PLEKHA1: variants seen among roughly 807,000 people sequenced by gnomAD.
PLEKHA1 encodes pleckstrin homology domain-containing family A member 1.
Under a neutral mutation model 52.0 loss-of-function variants are expected in PLEKHA1, and 34 were observed. The observed-to-expected ratio is 0.65, with a 90% CI of 0.50 to 0.87. The LOEUF is 0.87. Among genes scored for constraint, PLEKHA1 ranks in the 40% least tolerant of loss-of-function variants. PLEKHA1 has a pLI of 0.00. For missense variants in PLEKHA1, 497 were observed against 504.2 expected, an observed-to-expected ratio of 0.99 and a Z score of 0.14; for synonymous variants, 163 against 170.7, an observed-to-expected ratio of 0.95 and a Z score of 0.35.
chr10:122,419,352 A>G (rs1424754798), intron 8 of PLEKHA1: 1 of 152,248 alleles, frequency 6.6e-6, no homozygotes, highest in African/African-American at 2.4e-5. Flanking sequence ...ATGGCATAGC[A>G]TAGCAAGAAA....
chr10:122,406,100 A>G (rs886079284), intron 4 of PLEKHA1, among the ~76,000 whole-genome samples: 1 of 152,164 alleles, frequency 6.6e-6, no homozygotes, highest in African/African-American at 2.4e-5. Flanking sequence ...GGGGTATTCG[A>G]TGAAATAAAA....
rs779843294 is a variant in PLEKHA1, at chr10:122,430,135, A to G, written c.*197A>G. On this transcript the variant is annotated 3_prime_UTR_variant, in exon 12 of 12. Coordinates refer to ENST00000368990, the MANE Select transcript of PLEKHA1 (RefSeq NM_001001974.4). ...ATATAATTTCTTTAAAAAAGAAAGA[A>G]AAAGGAAAAATCCAAAATATCTCAG... The G allele has an allele frequency of 1.1e-5, 7 of 619,294 alleles. No homozygotes were observed. The highest frequency in any genetic ancestry group is 3.1e-5 in the East Asian group (1 of 32,322). 38.4% of individuals were successfully genotyped at this position (619,294 alleles called of 1,614,324 possible). A position where few individuals can be genotyped will look rare whatever the true frequency, so the allele number is the denominator to read the frequency against.
At chr10:122,416,501 T>A (rs2097177697) in intron 7 of PLEKHA1, among the ~76,000 whole-genome samples, 1 of 152,152 alleles carries the variant, frequency 6.6e-6, no homozygotes, top group South Asian at 2.1e-4. Context: ...ACCTACCATC[T>A]AGGGTTTTGT....
At chr10:122,418,937 A>G (rs905999192) in intron 8 of PLEKHA1, 2 of 152,230 alleles carry the variant, frequency 1.3e-5, no homozygotes, top group African/African-American at 2.4e-5. Context: ...GTCCAAGGGC[A>G]CTAGCTACAT....
At chr10:122,424,757 G>A (rs555613285) in intron 9 of PLEKHA1, 139 bp from the exon 10 acceptor site, 9 of 523,694 alleles carry the variant, frequency 1.7e-5, no homozygotes, top group Non-Finnish European at 2.9e-5. Context: ...TAAAATAAAT[G>A]GGAAAAGATA....
intron 1 of PLEKHA1, among the ~76,000 whole-genome samples, chr10:122,388,295 A>G (rs986011517): frequency 7.9e-5 from 12 of 152,088 alleles, no homozygotes; most frequent in Non-Finnish European, 4.4e-5. Flanking sequence ...TTCATTTAGC[A>G]TGTTTCTGAG....
intron 4 of PLEKHA1, among the ~76,000 whole-genome samples, chr10:122,403,734 C>G (rs976164185): frequency 6.6e-6 from 1 of 152,082 alleles, no homozygotes; most frequent in Non-Finnish European, 1.5e-5. Context: ...CTCACTCCCC[C>G]AGGCCGGAAT....
chr10:122,424,858 C>CT, intron 9 of PLEKHA1, 38 bp from the exon 10 acceptor site: 1 of 1,539,276 alleles, frequency 6.5e-7, no homozygotes, highest in Non-Finnish European at 8.9e-7. Context: ...ACTCAAACAA[C>CT]TGCTATTTAA....
chr10:122,424,806 T>G, intron 9 of PLEKHA1, 90 bp from the exon 10 acceptor site: 1 of 920,244 alleles, frequency 1.1e-6, no homozygotes, highest in Non-Finnish European at 1.6e-6. Flanking sequence ...CTCATTTATT[T>G]ATTGACGCAT....
intron 4 of PLEKHA1, among the ~76,000 whole-genome samples, chr10:122,401,448 A>C (rs1026783034): frequency 6.6e-6 from 1 of 151,904 alleles, no homozygotes; most frequent in Non-Finnish European, 1.5e-5. Context: ...GAGAAGGAGG[A>C]AGGGTGAAAA....
chr10:122,419,965 G>A (rs1299525361), intron 8 of PLEKHA1: 1 of 152,184 alleles, frequency 6.6e-6, no homozygotes, highest in Non-Finnish European at 1.5e-5. Flanking sequence ...CTAAGGACGA[G>A]GGGCAGCCAG....
chr10:122,439,920 C>T, the PLEKHA1 span: 1 of 152,082 alleles, frequency 6.6e-6, no homozygotes, highest in Non-Finnish European at 1.5e-5. Flanking sequence ...CAATTATATC[C>T]ATAGAAAATT....
At chr10:122,413,352 A>G (rs1423646589) in intron 6 of PLEKHA1, among the ~76,000 whole-genome samples, 1 of 152,032 alleles carries the variant, frequency 6.6e-6, no homozygotes, top group Non-Finnish European at 1.5e-5. Context: ...AAGTCATCAG[A>G]AATCCTTTTA....
chr10:122,378,463 C>T (rs1193512507), intron 1 of PLEKHA1, among the ~76,000 whole-genome samples: 1 of 148,310 alleles, frequency 6.7e-6, no homozygotes, highest in African/African-American at 2.5e-5. Context: ...AGGCTGGGCT[C>T]AGTGGCTCAT....
Position 122,401,831 on chromosome 10 carries a change from T to C in PLEKHA1, c.244+1443T>C, listed in dbSNP as rs191250160. On this transcript the variant is annotated intron_variant, in intron 4 of 11. Coordinates refer to ENST00000368990, the MANE Select transcript of PLEKHA1 (RefSeq NM_001001974.4). ...GAGACTTTCACATTAAAGTGAGAGA[T>C]ACTTTTGGGAGTAGAATTGAAGTTC... 3.5e-3 allele frequency among the ~76,000 whole-genome samples: 531 copies of C among 152,310 alleles called. 1 individual carries two copies. The highest frequency in any genetic ancestry group is 0.012 in the African/African-American group (500 of 41,570).
chr10:122,378,517 CT>C (rs2096568853), intron 1 of PLEKHA1, among the ~76,000 whole-genome samples: 2 of 152,148 alleles, frequency 1.3e-5, no homozygotes, highest in Middle Eastern at 3.4e-3. Context: ...GGGAGGATAG[CT>C]TGAGCCCAGG....
At chr10:122,383,406 A>G (rs532239852) in intron 1 of PLEKHA1, among the ~76,000 whole-genome samples, 143 of 148,964 alleles carry the variant, frequency 9.6e-4, no homozygotes, top group Non-Finnish European at 1.5e-3. Context: ...TGCAGACTCA[A>G]TCTCCTGGGC....
intron 1 of PLEKHA1, among the ~76,000 whole-genome samples, chr10:122,392,727 A>G (rs1406190636): frequency 6.6e-6 from 1 of 152,192 alleles, no homozygotes; most frequent in East Asian, 1.9e-4. Context: ...GAAGATTAAA[A>G]GAGTTAACAT....
chr10:122,441,683 T>C, the PLEKHA1 span: 1 of 152,174 alleles, frequency 6.6e-6, no homozygotes, highest in African/African-American at 2.4e-5. Context: ...TCTGACCAAC[T>C]GAACATGAAA....
Sources: gnomAD v4.1 joint callset for allele counts (sites outside exome capture counted in the v4.1 genomes callset) on GRCh38, gnomAD v4.1.1 for gene constraint, MANE v1.5 for transcripts, NCBI Gene and HGNC (gene_info 2026-07-23, HGNC 2026-07-21) for gene names.